Variants in PLCB1 observed in about 807,000 individuals in gnomAD.
PLCB1 encodes the protein 1-phosphatidylinositol 4,5-bisphosphate phosphodiesterase beta-1.
PLCB1 carries 46 observed loss-of-function variants against 161.8 expected under a neutral mutation model. That is an observed-to-expected ratio of 0.28 (90% confidence interval 0.22 to 0.36). The LOEUF is 0.36. Ranked by LOEUF, PLCB1 falls within the 10% of genes least tolerant of loss-of-function variation. The probability of loss-of-function intolerance (pLI) is 1.00; values close to 1 mark genes in which losing one functional copy is unlikely to be tolerated. For synonymous variants in PLCB1, 517 were observed against 503.7 expected (o/e 1.03, Z -0.35); for missense variants, 1,016 against 1,472.5 (o/e 0.69, Z 5.07).
intron 11 of PLCB1, among the ~76,000 whole-genome samples, chr20:8,703,068 G>T (rs930219133): frequency 6.6e-6 from 1 of 152,168 alleles, no homozygotes; most frequent in Non-Finnish European, 1.5e-5. Flanking sequence ...AGAAGGTAAG[G>T]ATGCTACTCT....
At chr20:8,571,491 T>A (rs558254192) in intron 3 of PLCB1, among the ~76,000 whole-genome samples, 5 of 151,936 alleles carry the variant, frequency 3.3e-5, no homozygotes, top group Non-Finnish European at 7.4e-5. Flanking sequence ...CAAAAAAAAA[T>A]AATAAATAAA....
chr20:8,156,510 A>G (rs1318137037), intron 2 of PLCB1, among the ~76,000 whole-genome samples: 2 of 152,184 alleles, frequency 1.3e-5, no homozygotes, highest in African/African-American at 4.8e-5. Context: ...ATGCCCCCAA[A>G]TGAAGGGTTT....
At chr20:8,144,565 T>C (rs1276548843) in intron 1 of PLCB1, among the ~76,000 whole-genome samples, 1 of 152,192 alleles carries the variant, frequency 6.6e-6, no homozygotes, top group Non-Finnish European at 1.5e-5. Context: ...GTCTCATCAA[T>C]GCTGATACAC....
intron 3 of PLCB1, among the ~76,000 whole-genome samples, chr20:8,380,994 T>TGA (rs1324268767): frequency 6.6e-6 from 1 of 152,216 alleles, no homozygotes; most frequent in African/African-American, 2.4e-5. Flanking sequence ...ATAGGAGTGG[T>TGA]GAGAGAGGCC....
chr20:8,784,538 G>A (rs1033274575), intron 27 of PLCB1, among the ~76,000 whole-genome samples: 2 of 146,908 alleles, frequency 1.4e-5, no homozygotes, highest in Non-Finnish European at 3.0e-5. Flanking sequence ...ACTGCAGCCT[G>A]GGCAATAGAG....
intron 4 of PLCB1, among the ~76,000 whole-genome samples, chr20:8,637,374 T>A (rs2123251633): frequency 6.6e-6 from 1 of 152,168 alleles, no homozygotes; most frequent in East Asian, 1.9e-4. Flanking sequence ...AAAGGTGAAA[T>A]CAGAAGAGGG....
At chr20:8,443,074 G>T (rs939600103) in intron 3 of PLCB1, among the ~76,000 whole-genome samples, 1 of 151,772 alleles carries the variant, frequency 6.6e-6, no homozygotes, top group South Asian at 2.1e-4. Flanking sequence ...CTGCATCCTG[G>T]GTTCAAGCGA....
intron 2 of PLCB1, among the ~76,000 whole-genome samples, chr20:8,274,725 T>C (rs1982445520): frequency 6.6e-6 from 1 of 152,174 alleles, no homozygotes; most frequent in Non-Finnish European, 1.5e-5. Flanking sequence ...TATGAGATCT[T>C]CCATGTTGGC....
At chr20:8,312,301 T>C (rs1336330659) in intron 2 of PLCB1, among the ~76,000 whole-genome samples, 1 of 152,130 alleles carries the variant, frequency 6.6e-6, no homozygotes. Context: ...CCTACAGGAC[T>C]ATCCCATTCC....
At chr20:8,274,781 A>G (rs1364250409) in intron 2 of PLCB1, among the ~76,000 whole-genome samples, 2 of 152,090 alleles carry the variant, frequency 1.3e-5, no homozygotes, top group East Asian at 1.9e-4. Flanking sequence ...AGCATAATAT[A>G]ATATTTTTGG....
At chr20:8,603,103 C>T (rs1385276657) in intron 3 of PLCB1, among the ~76,000 whole-genome samples, 1 of 152,152 alleles carries the variant, frequency 6.6e-6, no homozygotes, top group African/African-American at 2.4e-5. Flanking sequence ...CGGTGTATGA[C>T]AAACAGGACA....
chr20:8,315,290 A>G (rs2122137643), intron 2 of PLCB1, among the ~76,000 whole-genome samples: 1 of 152,226 alleles, frequency 6.6e-6, no homozygotes. Context: ...TGAGCCACCA[A>G]AAAAGTGACA....
chr20:8,857,908 A>AT (rs1232281794), intron 31 of PLCB1, among the ~76,000 whole-genome samples: 2 of 151,758 alleles, frequency 1.3e-5, no homozygotes, highest in South Asian at 2.1e-4. Context: ...TCTTTTGGTA[A>AT]TTTTTTTCAA....
At chr20:8,678,865 G>T (rs1990150702) in intron 9 of PLCB1, among the ~76,000 whole-genome samples, 1 of 152,172 alleles carries the variant, frequency 6.6e-6, no homozygotes, top group Admixed American at 6.5e-5. Flanking sequence ...TCCCCAAGAA[G>T]GTTCCTATCT....
At chr20:8,442,015 A>G (rs1186670492) in intron 3 of PLCB1, among the ~76,000 whole-genome samples, 1 of 152,196 alleles carries the variant, frequency 6.6e-6, no homozygotes, top group Admixed American at 6.5e-5. Flanking sequence ...CAGAAGACAC[A>G]CTGAATATGA....
intron 2 of PLCB1, among the ~76,000 whole-genome samples, chr20:8,209,205 T>A (rs1978688732): frequency 6.9e-6 from 1 of 144,704 alleles, no homozygotes; most frequent in African/African-American, 2.6e-5. Flanking sequence ...TTTTTTGTTT[T>A]TTTTTTCTAA....
At chr20:8,614,836 G>A (rs1194081497) in intron 3 of PLCB1, among the ~76,000 whole-genome samples, 1 of 152,042 alleles carries the variant, frequency 6.6e-6, no homozygotes, top group African/African-American at 2.4e-5. Flanking sequence ...AATTTCTGTT[G>A]ACAGCACTGG....
At chr20:8,133,599 C>T (rs2051314968) in intron 1 of PLCB1, among the ~76,000 whole-genome samples, 1 of 152,156 alleles carries the variant, frequency 6.6e-6, no homozygotes, top group African/African-American at 2.4e-5. Context: ...ACTTCCCCTT[C>T]CCCTCTACCC....
intron 27 of PLCB1, among the ~76,000 whole-genome samples, chr20:8,780,853 T>C (rs1568597048): frequency 1.3e-5 from 2 of 152,170 alleles, no homozygotes; most frequent in Admixed American, 1.3e-4. Flanking sequence ...GAGATAAAAA[T>C]ATCTCTTACC....
Sources: allele counts gnomAD v4.1 joint callset (sites outside exome capture counted in the v4.1 genomes callset), GRCh38; gene constraint gnomAD v4.1.1; transcripts MANE v1.5; gene names NCBI Gene and HGNC (gene_info 2026-07-23, HGNC 2026-07-21).